Variants in CLMN observed in about 807,000 individuals in gnomAD.
CLMN encodes calmin.
CLMN carries 57 observed loss-of-function variants against 92.7 expected under a neutral mutation model. The observed-to-expected ratio is 0.61, with a 90% CI of 0.50 to 0.77. The LOEUF is 0.77. CLMN is among the 30% of genes least tolerant of loss of function. CLMN has a pLI of 0.00. For synonymous variants in CLMN, 466 were observed against 470.6 expected (o/e 0.99, Z 0.13); for missense variants, 1,158 against 1,237.5 (o/e 0.94, Z 0.96).
At chr14:95,278,627 T>A (rs980488298) in intron 1 of CLMN, among the ~76,000 whole-genome samples, 4 of 152,242 alleles carry the variant, frequency 2.6e-5, no homozygotes, top group Non-Finnish European at 4.4e-5. Flanking sequence ...TGACCTTTTT[T>A]AATTTTTTAG....
At chr14:95,222,824 A>G (rs540925058) in intron 3 of CLMN, among the ~76,000 whole-genome samples, 6 of 152,302 alleles carry the variant, frequency 3.9e-5, no homozygotes, top group South Asian at 4.1e-4. Flanking sequence ...AAGAGGTCTG[A>G]TAAGATACCA....
Position 95,294,019 on chromosome 14 carries a change from AGAG to A in CLMN, c.82+25689_82+25691del, listed in dbSNP as rs113654953. ...CTGCCTGGCTGGAGGGTGACACCAA[AGAG>A]GAGGAGGAGGAGGAGGAGGCCAGAA... On this transcript the variant is annotated intron_variant, in intron 1 of 12. Transcript: ENST00000298912. The surrounding 1 kb of genome is among the most constrained non-coding windows in gnomAD (Gnocchi z 4.2). Among the ~76,000 whole-genome samples the A allele has an allele frequency of 0.38, 58,300 of 151,456 alleles. 11,375 individuals carry two copies. The highest frequency in any genetic ancestry group is 0.6 in the East Asian group (3,054 of 5,086).
rs559388886 is a variant in CLMN, at chr14:95,317,502, A to C, written c.82+2209T>G. On this transcript the variant is annotated intron_variant, in intron 1 of 12. Coordinates refer to ENST00000298912, the MANE Select transcript of CLMN (RefSeq NM_024734.4). ...TCCCTCAACAGGTGAATGAATCATC[A>C]AACAGCGGGGCATCCATACCATGGA... 6.9e-4 allele frequency among the ~76,000 whole-genome samples: 105 copies of C among 152,210 alleles called. 1 individual carries two copies. The highest frequency in any genetic ancestry group is 2.5e-3 in the African/African-American group (103 of 41,512).
chr14:95,231,019 A>G (rs1897868320), intron 1 of CLMN, among the ~76,000 whole-genome samples: 1 of 151,894 alleles, frequency 6.6e-6, no homozygotes, highest in South Asian at 2.1e-4. Context: ...CGTCCCGGAC[A>G]CTTTGTTTCC....
chr14:95,199,852 TG>T (rs1332582363), intron 9 of CLMN, among the ~76,000 whole-genome samples: 2 of 146,758 alleles, frequency 1.4e-5, no homozygotes, highest in African/African-American at 5.1e-5. Flanking sequence ...CCTGGATGTC[TG>T]GGGGTGTGGG....
At chr14:95,216,940 C>T (rs1161582057) in intron 4 of CLMN, among the ~76,000 whole-genome samples, 3 of 152,160 alleles carry the variant, frequency 2.0e-5, no homozygotes, top group Non-Finnish European at 1.5e-5. Flanking sequence ...CCAGGTGATT[C>T]CAGTGCATGC....
intron 8 of CLMN, 88 bp from the exon 9 acceptor site, chr14:95,204,551 AT>A (rs1566865293): frequency 8.1e-7 from 1 of 1,230,462 alleles, no homozygotes; most frequent in Non-Finnish European, 1.1e-6. Flanking sequence ...TAAGAAGAAT[AT>A]TTAAGTACAA....
intron 1 of CLMN, among the ~76,000 whole-genome samples, chr14:95,304,825 G>T (rs562341717): frequency 9.7e-4 from 148 of 152,150 alleles, no homozygotes; most frequent in African/African-American, 3.5e-3. Flanking sequence ...TGACCCTCCA[G>T]ACAGGAGACT....
intron 1 of CLMN, among the ~76,000 whole-genome samples, chr14:95,255,673 C>T (rs1227013647): frequency 1.3e-5 from 2 of 152,102 alleles, no homozygotes; most frequent in Non-Finnish European, 1.5e-5. Flanking sequence ...TTCCTTCCAC[C>T]CTTTCACAAT....
intron 1 of CLMN, among the ~76,000 whole-genome samples, chr14:95,282,672 T>C (rs1052935107): frequency 1.3e-5 from 2 of 152,068 alleles, no homozygotes; most frequent in Non-Finnish European, 2.9e-5. Flanking sequence ...CAAGGACAGA[T>C]CTCCAAGGCA....
Position 95,182,000 on chromosome 14 carries a change from A to G in CLMN, c.*9564T>C, listed in dbSNP as rs1459545034. 1 of 152,240 alleles carries G rather than the reference A, an allele frequency of 6.6e-6. No individual in the cohort carries two copies. The highest frequency in any genetic ancestry group is 1.5e-5 in the Non-Finnish European group (1 of 68,040). The allele number at this position is 152,240 out of a possible 1,614,324, so 9.4% of individuals were successfully genotyped here. A position where few individuals can be genotyped will look rare whatever the true frequency, so the allele number is the denominator to read the frequency against. On this transcript the variant is annotated 3_prime_UTR_variant, in exon 13 of 13. Coordinates refer to ENST00000298912, the MANE Select transcript of CLMN (RefSeq NM_024734.4). Reference sequence around the variant, plus strand: ...AGAATACACATGATTTTACAAGATCATTCATCATAGCACCAAGCCTAATAT... The same window carrying G: ...AGAATACACATGATTTTACAAGATCGTTCATCATAGCACCAAGCCTAATAT...
At chr14:95,316,158 C>T (rs1901760966) in intron 1 of CLMN, among the ~76,000 whole-genome samples, 1 of 152,254 alleles carries the variant, frequency 6.6e-6, no homozygotes, top group African/African-American at 2.4e-5. Context: ...GACCTATTAA[C>T]ACACCACCTC....
At chr14:95,223,729 T>C (rs754196819) in intron 3 of CLMN, 31 bp downstream of exon 3, 1 of 1,537,878 alleles carries the variant, frequency 6.5e-7, no homozygotes, top group South Asian at 1.2e-5. Context: ...TTGCATTTTC[T>C]TTCTTTCTGA....
Position 95,259,561 on chromosome 14 carries a change from G to A in CLMN, c.83-29428C>T, listed in dbSNP as rs1014123159. ...CCACAGAGCTGCTGGGAGCAGGCCAGGGAAACGAGATCTTGATCTGTTTGG... is the reference window on the plus strand; with the variant it reads ...CCACAGAGCTGCTGGGAGCAGGCCAAGGAAACGAGATCTTGATCTGTTTGG... On this transcript the variant is annotated intron_variant, in intron 1 of 12. Transcript: ENST00000298912. This position sits in a 1 kb window ranked among gnomAD's most constrained non-coding sequence, Gnocchi z 4.3. Among the ~76,000 whole-genome samples, 14 of 152,268 alleles carry A rather than the reference G, an allele frequency of 9.2e-5. No homozygotes were observed. The East Asian group carries it at 1.9e-3, about 21-fold the overall frequency.
chr14:95,250,938 T>A (rs548200448), intron 1 of CLMN, among the ~76,000 whole-genome samples: 1 of 152,146 alleles, frequency 6.6e-6, no homozygotes, highest in South Asian at 2.1e-4. Context: ...GGACAAGCAC[T>A]AGAAAAGGTG....
At position 95,196,656 on chromosome 14, in the gene CLMN, G is replaced by GGGGTTTGCTATGTTTTCC. The variant is rs754896064; in HGVS notation, c.2532_2549dup (p.Glu845_Pro850dup). 6.2e-6 allele frequency: 10 copies of GGGGTTTGCTATGTTTTCC among 1,613,364 alleles called. No homozygotes were observed. The highest frequency in any genetic ancestry group is 8.5e-6 in the Non-Finnish European group (10 of 1,179,840). ...ATTCTTTCGTTACATTTTCTTCTAGGGGGTTTGCTATGTTTTCCAGGTTTG... is the reference window on the plus strand; with the variant it reads ...ATTCTTTCGTTACATTTTCTTCTAGGGGGTTTGCTATGTTTTCCGGGTTTGCTATGTTTTCCAGGTTTG... On this transcript the variant is annotated inframe_insertion, in exon 10 of 13. Coordinates refer to ENST00000298912, the MANE Select transcript of CLMN (RefSeq NM_024734.4).
chr14:95,240,979 A>C (rs1192703212), intron 1 of CLMN, among the ~76,000 whole-genome samples: 2 of 152,192 alleles, frequency 1.3e-5, no homozygotes, highest in East Asian at 3.8e-4. Flanking sequence ...GATTGGCTCA[A>C]GTGCGGAAGA....
At position 95,243,779 on chromosome 14, in the gene CLMN, G is replaced by A. The variant is rs928473596; in HGVS notation, c.83-13646C>T. 4.1e-5 allele frequency among the ~76,000 whole-genome samples: 6 copies of A among 145,658 alleles called. No homozygotes were observed. In the East Asian group the frequency reaches 6.0e-4, roughly 15 times the overall value. On this transcript the variant is annotated intron_variant, in intron 1 of 12. Coordinates refer to ENST00000298912, the MANE Select transcript of CLMN (RefSeq NM_024734.4). ...AATTACTCTGCTTATTGGAGCACTC[G>A]ACAATCCAGTTTTCTGACTGGAGAG...
At chr14:95,253,260 C>A (rs926151737) in intron 1 of CLMN, among the ~76,000 whole-genome samples, 19 of 152,174 alleles carry the variant, frequency 1.2e-4, no homozygotes, top group Admixed American at 1.2e-3. Flanking sequence ...ATGGATGCCT[C>A]GGTTTATACA....
Sources: allele counts gnomAD v4.1 joint callset (sites outside exome capture counted in the v4.1 genomes callset), GRCh38; gene constraint gnomAD v4.1.1; non-coding constraint Gnocchi (gnomAD v3.1); transcripts MANE v1.5; gene names NCBI Gene and HGNC (gene_info 2026-07-23, HGNC 2026-07-21).